Variants in PSMD6 observed in about 807,000 individuals in gnomAD.
PSMD6 encodes 26S proteasome non-ATPase regulatory subunit 6.
In PSMD6, 7 loss-of-function variants were observed where a neutral mutation model predicts 44.9. That is an observed-to-expected ratio of 0.16 (90% confidence interval 0.09 to 0.29). The LOEUF is 0.29. Ranked by LOEUF, PSMD6 falls within the 10% of genes least tolerant of loss-of-function variation. PSMD6 has a pLI of 1.00. For synonymous variants in PSMD6, 184 were observed against 172.7 expected, an observed-to-expected ratio of 1.07 and a Z score of -0.51; for missense variants, 420 against 482.6, an observed-to-expected ratio of 0.87 and a Z score of 1.21.
intron 2 of PSMD6, 155 bp from the exon 3 acceptor site, chr3:64,019,596 T>G: frequency 2.8e-6 from 2 of 716,264 alleles, no homozygotes; most frequent in Non-Finnish European, 4.4e-6. Context: ...AGCTGGGTGA[T>G]AAGTACACAA....
intron 6 of PSMD6, chr3:64,012,334 C>T (rs114465484): frequency 6.6e-6 from 1 of 152,146 alleles, no homozygotes; most frequent in African/African-American, 2.4e-5. Flanking sequence ...AGCCACTGAT[C>T]TAGATGCCAT....
intron 5 of PSMD6, chr3:64,015,354 A>G (rs992742035): frequency 2.0e-5 from 3 of 152,240 alleles, no homozygotes; most frequent in Admixed American, 6.5e-5. Context: ...TGGGAAAGAT[A>G]AATTGTTGGA....
At chr3:64,017,670 T>G (rs889311783) in intron 5 of PSMD6, 1 of 152,266 alleles carries the variant, frequency 6.6e-6, no homozygotes, top group Non-Finnish European at 1.5e-5. Flanking sequence ...AGGTAAATAC[T>G]ATGAATTCTC....
rs751878052 is a variant in PSMD6 at position 64,010,964 on chromosome 3, G to T, written c.996-9C>A. The T allele has an allele frequency of 6.4e-7, 1 of 1,574,088 alleles. No individual in the cohort carries two copies. The highest frequency in any genetic ancestry group is 8.6e-7 in the Non-Finnish European group (1 of 1,157,408). ...TAAACCTGGACAGTTCCCTAATTTA[G>T]AGACAAAAAATAACAGAATTAGCTT... On this transcript the variant is annotated splice_polypyrimidine_tract_variant and intron_variant, in intron 6 of 7. Coordinates refer to ENST00000295901, the MANE Select transcript of PSMD6 (RefSeq NM_014814.3).
At chr3:64,011,999 T>C (rs888162580) in intron 6 of PSMD6, 4 of 152,132 alleles carry the variant, frequency 2.6e-5, no homozygotes, top group Non-Finnish European at 1.5e-5. Context: ...CAGACTAGAA[T>C]TGAGAAATGG....
In PSMD6 at chr3:64,018,649, T is replaced by C; in HGVS notation, c.776A>G (p.Tyr259Cys). Reference sequence around the variant, plus strand: ...ACGGCATTCATAGAGTGAAAACAGATACTGCCGAACTGCTGGAAGACTGTG... The same window carrying C: ...ACGGCATTCATAGAGTGAAAACAGACACTGCCGAACTGCTGGAAGACTGTG... Reference protein sequence around the residue: ...VLHSLPAVRQYLFSLYECRYS... With the variant: ...VLHSLPAVRQCLFSLYECRYS... The change falls in exon 5 of 8, where the codon TAT becomes TGT. Residue 259 changes from tyrosine (Y) to cysteine (C), a missense_variant. Physicochemically the swap from Tyr to Cys is radical, Grantham distance 194. This residue lies in a region of PSMD6 where 216 missense variants were observed against 227.0 expected (regional missense o/e 0.95). Transcript: ENST00000295901. 1 of 1,604,832 alleles carries C rather than the reference T, an allele frequency of 6.2e-7. No individual in the cohort carries two copies. Among genetic ancestry groups the C allele is most frequent in the Non-Finnish European group, 8.5e-7 (1 of 1,171,560 alleles).
At chr3:64,011,641 C>T (rs2075954306) in intron 6 of PSMD6, 2 of 138,962 alleles carry the variant, frequency 1.4e-5, no homozygotes, top group South Asian at 2.2e-4. Flanking sequence ...GGTCTTAGAA[C>T]ATGAAGGGAA....
chr3:64,012,094 C>CTGAAACTTACT (rs2075966044), intron 6 of PSMD6: 1 of 151,986 alleles, frequency 6.6e-6, no homozygotes, highest in African/African-American at 2.4e-5. Flanking sequence ...GTGTTGGTGT[C>CTGAAACTTACT]TGAAACTTAC....
At chr3:64,010,789 G>GAATT in intron 7 of PSMD6, 25 bp from the exon 8 acceptor site, 1 of 1,582,900 alleles carries the variant, frequency 6.3e-7, no homozygotes, top group South Asian at 1.1e-5. Flanking sequence ...AAGAAAAAAT[G>GAATT]AATTATTTAC....
chr3:64,019,046 T>A lies in PSMD6; in HGVS notation c.498-9A>T. ...CTCCTTCTTCTATTAAGCTATGAAA[T>A]AAAAACAGTAAGATCATAGTCTGGA... is the stretch of plus-strand genomic sequence containing the variant. On this transcript the variant is annotated splice_polypyrimidine_tract_variant and intron_variant, in intron 3 of 7. Transcript: ENST00000295901. 6.3e-7 allele frequency: 1 copy of A among 1,580,282 alleles called. No individual in the cohort carries two copies. The highest frequency in any genetic ancestry group is 8.7e-7 in the Non-Finnish European group (1 of 1,149,824).
At chr3:64,022,912 A>T (rs771427877) in intron 1 of PSMD6, 46 of 1,466,406 alleles carry the variant, frequency 3.1e-5, no homozygotes, top group Non-Finnish European at 4.2e-5. Context: ...TCCCTTCCAC[A>T]GGCAAGCTGA....
At chr3:64,022,177 A>G in intron 2 of PSMD6, 141 bp downstream of exon 2, 2 of 907,546 alleles carry the variant, frequency 2.2e-6, no homozygotes, top group Non-Finnish European at 3.3e-6. Context: ...CTTTACATTG[A>G]TTCACCAGTA....
At chr3:64,021,088 C>A (rs924378387) in intron 2 of PSMD6, among the ~76,000 whole-genome samples, 1 of 151,590 alleles carries the variant, frequency 6.6e-6, no homozygotes, top group Non-Finnish European at 1.5e-5. Flanking sequence ...AAAAAAAAAA[C>A]TGTTCATTGT....
rs746188615 is a variant in PSMD6 at position 64,013,606 on chromosome 3, C to T, written c.828G>A (p.Ala276=). 22 of 1,599,228 alleles carry T rather than the reference C, an allele frequency of 1.4e-5. No homozygotes were observed. Among genetic ancestry groups the T allele is most frequent in the South Asian group, 2.3e-5 (2 of 88,162 alleles). ...CRYSVFFQSL[A]VVEQEMKKDW... is the part of the protein sequence containing the mutation. ...CCTTTTTCATTTCCTGTTCCACAAC[C>T]GCTGCAATGAATAAAATGACAAATT... Residue 276 remains alanine, a splice_region_variant and synonymous_variant, in exon 6 of 8, where the codon GCG becomes GCA. Coordinates refer to ENST00000295901, the MANE Select transcript of PSMD6 (RefSeq NM_014814.3).
chr3:64,011,185 G>A, intron 6 of PSMD6: 1 of 384,870 alleles, frequency 2.6e-6, no homozygotes, highest in Admixed American at 4.4e-5. Flanking sequence ...ATAGAAAGTA[G>A]ATCAAACAAT....
At position 64,023,494 on chromosome 3, in the gene PSMD6, C is replaced by G; in HGVS notation, c.-75G>C. 6.8e-7 allele frequency: 1 copy of G among 1,472,712 alleles called. No homozygotes were observed. Among genetic ancestry groups the G allele is most frequent in the Non-Finnish European group, 9.0e-7 (1 of 1,105,056 alleles). 91.2% of individuals were successfully genotyped at this position (1,472,712 alleles called of 1,614,324 possible). A position where few individuals can be genotyped will look rare whatever the true frequency, so the allele number is the denominator to read the frequency against. ...CTGCGGCAGCGGAAGCGGGAGGAGT[C>G]GGCGAATACGCCCGGCCGCCTGCGG... On this transcript the variant is annotated 5_prime_UTR_variant, in exon 1 of 8. Coordinates refer to ENST00000295901, the MANE Select transcript of PSMD6 (RefSeq NM_014814.3).
Position 64,022,517 on chromosome 3 carries a change from G to A in PSMD6, c.152C>T (p.Ala51Val), listed in dbSNP as rs1192237685. 2 of 1,613,608 alleles carry A rather than the reference G, an allele frequency of 1.2e-6. No homozygotes were observed. Among genetic ancestry groups the A allele is most frequent in the Non-Finnish European group, 1.7e-6 (2 of 1,179,622 alleles). The part of the protein sequence containing the change: ...LMAAVRDNNM[A>V]PYYEALCKSL... ...TTTGCACAAGGCTTCATAGTAAGGA[G>A]CCATGTCTAACATGCAAAAAGAGGG... The change falls in exon 2 of 8, where the codon GCT becomes GTT. Residue 51 changes from alanine (A) to valine (V), a missense_variant. Transcript: ENST00000295901.
At chr3:64,021,870 A>C (rs2076138737) in intron 2 of PSMD6, among the ~76,000 whole-genome samples, 1 of 152,162 alleles carries the variant, frequency 6.6e-6, no homozygotes, top group Non-Finnish European at 1.5e-5. Context: ...AGAACTGAAA[A>C]GCCTATCCCT....
upstream of PSMD6, chr3:64,023,834 A>G: frequency 6.8e-7 from 1 of 1,467,346 alleles, no homozygotes; most frequent in Non-Finnish European, 9.2e-7. Flanking sequence ...ACTCTCATTC[A>G]TCTTATTAAA....
Sources: allele counts gnomAD v4.1 joint callset (sites outside exome capture counted in the v4.1 genomes callset), GRCh38; gene constraint gnomAD v4.1.1; regional missense constraint gnomAD v4.1.1; transcripts MANE v1.5; gene names NCBI Gene and HGNC (gene_info 2026-07-23, HGNC 2026-07-21).